Variants in DLG2 observed in about 807,000 individuals in gnomAD.
The protein encoded by DLG2 is discs large MAGUK scaffold protein 2, also known as disks large homolog 2.
In DLG2, 45 loss-of-function variants were observed where a neutral mutation model predicts 132.5. The observed-to-expected ratio is 0.34, with a 90% confidence interval of 0.27 to 0.44. The LOEUF (loss-of-function observed/expected upper bound fraction) is 0.44. Among genes scored for constraint, DLG2 ranks in the 20% least tolerant of loss-of-function variants. DLG2 has a pLI of 1.00. For synonymous variants in DLG2, 424 were observed against 419.6 expected, an observed-to-expected ratio of 1.01 and a Z score of -0.13; for missense variants, 1,045 against 1,196.9, an observed-to-expected ratio of 0.87 and a Z score of 1.87.
rs571368782 is a variant in DLG2 at position 85,429,465 on chromosome 11, C to T, written c.41-144100G>A. 4.6e-5 allele frequency among the ~76,000 whole-genome samples: 7 copies of T among 152,212 alleles called. No homozygotes were observed. The South Asian group carries it at 1.5e-3, about 32-fold the overall frequency. Reference sequence around the variant, plus strand: ...AAATTTTTGCTATCTACTCATCTAACAAAGGGCTGATATGCAGAATCTACA... The same window carrying T: ...AAATTTTTGCTATCTACTCATCTAATAAAGGGCTGATATGCAGAATCTACA... On this transcript the variant is annotated intron_variant, in intron 3 of 27. Transcript: ENST00000376104.
intron 6 of DLG2, among the ~76,000 whole-genome samples, chr11:85,106,498 C>A (rs1316423026): frequency 6.6e-6 from 1 of 151,794 alleles, no homozygotes; most frequent in East Asian, 1.9e-4. Flanking sequence ...AAATGAGTAC[C>A]CCTGATTTAC....
chr11:84,251,495 T>C (rs2097371300), intron 7 of DLG2, among the ~76,000 whole-genome samples: 1 of 152,152 alleles, frequency 6.6e-6, no homozygotes, highest in Non-Finnish European at 1.5e-5. Flanking sequence ...ATTTACCACA[T>C]AAAGAAATTA....
intron 7 of DLG2, among the ~76,000 whole-genome samples, chr11:84,429,919 T>A (rs1046053369): frequency 2.0e-5 from 3 of 152,190 alleles, no homozygotes; most frequent in African/African-American, 7.2e-5. Context: ...GGATACCTGG[T>A]TTCTGAAGGA....
chr11:84,216,569 G>A (rs996635985), intron 8 of DLG2, among the ~76,000 whole-genome samples: 6 of 152,244 alleles, frequency 3.9e-5, no homozygotes, highest in African/African-American at 1.4e-4. Context: ...ATAAGAAAGA[G>A]AAAGTTATAA....
intron 8 of DLG2, among the ~76,000 whole-genome samples, chr11:84,195,734 G>A (rs1597190008): frequency 6.6e-6 from 1 of 152,162 alleles, no homozygotes; most frequent in South Asian, 2.1e-4. Flanking sequence ...CGAAACTTCT[G>A]CAGCAACCTC....
intron 14 of DLG2, 126 bp downstream of exon 14, chr11:83,962,759 T>G: frequency 4.8e-6 from 6 of 1,248,572 alleles, no homozygotes; most frequent in Non-Finnish European, 5.6e-6. Flanking sequence ...GAGGCAAAAC[T>G]ACAATAAGGT....
intron 6 of DLG2, among the ~76,000 whole-genome samples, chr11:84,932,724 GTATA>G (rs3066340): frequency 7.2e-6 from 1 of 139,234 alleles, no homozygotes; most frequent in African/African-American, 2.6e-5. Flanking sequence ...GTATTCCATG[GTATA>G]TATATATATA....
intron 3 of DLG2, among the ~76,000 whole-genome samples, chr11:85,420,340 C>G (rs2090191111): frequency 6.6e-6 from 1 of 152,022 alleles, no homozygotes; most frequent in Non-Finnish European, 1.5e-5. Context: ...CAGATGCCAG[C>G]CAGAGTTCTC....
In DLG2 at chr11:85,126,801, A is replaced by G. The variant is rs2075166002; in HGVS notation, c.283-15066T>C. ...AAGAACAGAGTGCCTACTCCCTACA[A>G]GGTAATATCCTAAGCATTTTATAGT... On this transcript the variant is annotated intron_variant, in intron 5 of 27. Coordinates refer to ENST00000376104, the MANE Select transcript of DLG2 (RefSeq NM_001142699.3). 2.6e-5 allele frequency among the ~76,000 whole-genome samples: 4 copies of G among 152,348 alleles called. No homozygotes were observed. In the South Asian group the frequency reaches 8.3e-4, roughly 32 times the overall value.
chr11:84,011,580 T>C (rs2094896280), intron 11 of DLG2, among the ~76,000 whole-genome samples: 1 of 152,096 alleles, frequency 6.6e-6, no homozygotes, highest in South Asian at 2.1e-4. Flanking sequence ...GTTGGCATTT[T>C]TACTCCTTTA....
intron 4 of DLG2, among the ~76,000 whole-genome samples, chr11:85,212,791 A>G (rs1336771790): frequency 6.6e-6 from 1 of 152,128 alleles, no homozygotes. Context: ...CTCATATCTC[A>G]ATGTTCTTTC....
intron 20 of DLG2, among the ~76,000 whole-genome samples, chr11:83,535,735 C>A (rs1300530227): frequency 6.6e-6 from 1 of 152,016 alleles, no homozygotes; most frequent in African/African-American, 2.4e-5. Flanking sequence ...AGCTTTGCTT[C>A]CTATTTGGGT....
intron 7 of DLG2, among the ~76,000 whole-genome samples, chr11:84,519,974 T>A (rs765361306): frequency 2.1e-4 from 32 of 152,134 alleles, no homozygotes; most frequent in Non-Finnish European, 4.1e-4. Flanking sequence ...CAAATCAATT[T>A]CTCAAAGTAA....
At chr11:84,309,368 C>A (rs1450213762) in intron 7 of DLG2, among the ~76,000 whole-genome samples, 3 of 152,142 alleles carry the variant, frequency 2.0e-5, no homozygotes, top group Non-Finnish European at 2.9e-5. Flanking sequence ...AATTATCTGA[C>A]AATAATGACT....
intron 19 of DLG2, among the ~76,000 whole-genome samples, chr11:83,570,077 T>C (rs2096773471): frequency 6.6e-6 from 1 of 152,240 alleles, no homozygotes; most frequent in Non-Finnish European, 1.5e-5. Flanking sequence ...GTCTGGGACA[T>C]GGTATCTACT....
chr11:84,024,601 A>T (rs367920943), intron 11 of DLG2, among the ~76,000 whole-genome samples: 15 of 152,302 alleles, frequency 9.8e-5, no homozygotes, highest in Admixed American at 3.9e-4. Context: ...TGTGTCATTC[A>T]TGACAACATA....
At chr11:84,401,264 C>A (rs192472043) in intron 7 of DLG2, among the ~76,000 whole-genome samples, 1 of 152,264 alleles carries the variant, frequency 6.6e-6, no homozygotes, top group African/African-American at 2.4e-5. Flanking sequence ...ACCTTGCAGA[C>A]TCTCTTACCA....
At position 83,957,538 on chromosome 11, in the gene DLG2, C is replaced by T. The variant is rs1259064578; in HGVS notation, c.1340+5347G>A. Among the ~76,000 whole-genome samples the T allele has an allele frequency of 6.2e-5, 9 of 145,400 alleles. No homozygotes were observed. In the Admixed American group the frequency reaches 6.5e-4, roughly 10 times the overall value. ...TTTTTTTCCAGTGGTCTCTCTACTC[C>T]ACACAGCAGCCAGAACTTTTTTTTT... On this transcript the variant is annotated intron_variant, in intron 14 of 27. Transcript: ENST00000376104.
chr11:84,060,048 C>A (rs1251871314), intron 10 of DLG2, among the ~76,000 whole-genome samples: 1 of 152,144 alleles, frequency 6.6e-6, no homozygotes, highest in Non-Finnish European at 1.5e-5. Context: ...CGCAGTGGCT[C>A]ATGCCTGTAA....
Sources: gnomAD v4.1 joint callset for allele counts (sites outside exome capture counted in the v4.1 genomes callset) on GRCh38, gnomAD v4.1.1 for gene constraint, MANE v1.5 for transcripts, NCBI Gene and HGNC (gene_info 2026-07-23, HGNC 2026-07-21) for gene names.